The following FDFT1 variants were observed in gnomAD, a reference collection of about 807,000 sequenced individuals.
The protein encoded by FDFT1 is farnesyl-diphosphate farnesyltransferase 1.
FDFT1 carries 68 observed loss-of-function variants against 46.8 expected under a neutral mutation model. That is an observed-to-expected ratio of 1.45 (90% confidence interval 1.19 to 1.78). The LOEUF (loss-of-function observed/expected upper bound fraction) is 1.78. FDFT1 is among the 40% of genes most tolerant of loss of function. FDFT1 has a pLI of 0.00. For missense variants in FDFT1, 928 were observed against 524.4 expected (o/e 1.77, Z -7.52); for synonymous variants, 351 against 185.1 (o/e 1.90, Z -7.28).
In FDFT1 at chr8:11,809,782, T is replaced by A; in HGVS notation, c.313T>A (p.Tyr105Asn). The stretch of plus-strand genomic sequence containing the variant: ...GTTACACAACTTTCACTCTTTCCTT[T>A]ACCAACCAGACTGGCGGTTCATGGA... ...PLLHNFHSFL[Y>N]QPDWRFMESK... The change falls in exon 3 of 8, where the codon TAC becomes AAC. Residue 105 changes from tyrosine (Y) to asparagine (N), a missense_variant. By Grantham distance (143) the Tyr-to-Asn change is moderately radical. Coordinates refer to ENST00000220584, the MANE Select transcript of FDFT1 (RefSeq NM_004462.5). 1 of 1,614,196 alleles carries A rather than the reference T, an allele frequency of 6.2e-7. No individual in the cohort carries two copies. Among genetic ancestry groups the A allele is most frequent in the African/African-American group, 1.3e-5 (1 of 75,054 alleles).
intron 1 of FDFT1, chr8:11,803,770 T>G (rs1295098007): frequency 1.6e-5 from 3 of 182,352 alleles, no homozygotes. Flanking sequence ...TCGGAGTCTT[T>G]CTTTCAGTGT....
chr8:11,836,866 G>T (rs1012230438), intron 7 of FDFT1, among the ~76,000 whole-genome samples: 1 of 152,216 alleles, frequency 6.6e-6, no homozygotes, highest in African/African-American at 2.4e-5. Context: ...GTAAAACCTT[G>T]TCTCTATTAA....
intron 7 of FDFT1, among the ~76,000 whole-genome samples, chr8:11,837,784 C>T (rs1229011370): frequency 6.6e-6 from 1 of 152,124 alleles, no homozygotes; most frequent in African/African-American, 2.4e-5. Context: ...GATAGCTCAT[C>T]TGAGAGGCAC....
chr8:11,816,028 T>C (rs1585913470), intron 3 of FDFT1, among the ~76,000 whole-genome samples: 1 of 152,340 alleles, frequency 6.6e-6, no homozygotes, highest in African/African-American at 2.4e-5. Context: ...TCAGTCCATC[T>C]TGAGTTAATT....
chr8:11,838,343 T>C (rs1191191800), intron 7 of FDFT1, 45 bp from the exon 8 acceptor site: 4 of 1,473,276 alleles, frequency 2.7e-6, no homozygotes, highest in Non-Finnish European at 3.8e-6. Flanking sequence ...CCATGGAAAA[T>C]GTAAAGCACA....
At chr8:11,809,984 C>A in intron 3 of FDFT1, 134 bp downstream of exon 3, 1 of 657,888 alleles carries the variant, frequency 1.5e-6, no homozygotes, top group Non-Finnish European at 2.5e-6. Flanking sequence ...GGGTTAAAAA[C>A]TCCGGTAGCC....
chr8:11,800,674 A>C (rs1806024704), upstream of FDFT1, among the ~76,000 whole-genome samples: 1 of 152,232 alleles, frequency 6.6e-6, no homozygotes, highest in South Asian at 2.1e-4. Context: ...AAATTGTGAG[A>C]GCTAAGAACA....
rs750876203 is a variant in FDFT1 at position 11,826,097 on chromosome 8, C to T, written c.584C>T (p.Pro195Leu). The T allele has an allele frequency of 1.9e-6, 3 of 1,610,706 alleles. No individual in the cohort carries two copies. ...RLFSASEFED[P>L]LVGEDTERAN... is the part of the protein sequence containing the mutation. Reference sequence around the variant, plus strand: ...TTCTCAGCCTCAGAGTTTGAAGACCCCTTAGTTGGTGAAGATACAGAACGT... The same window carrying T: ...TTCTCAGCCTCAGAGTTTGAAGACCTCTTAGTTGGTGAAGATACAGAACGT... Residue 195 changes from proline to leucine, a missense_variant, in exon 5 of 8, where the codon CCC becomes CTC. Physicochemically the swap from Pro to Leu is moderately conservative, Grantham distance 98. Transcript: ENST00000220584.
At chr8:11,812,090 C>A (rs1585894394) in intron 3 of FDFT1, among the ~76,000 whole-genome samples, 1 of 152,206 alleles carries the variant, frequency 6.6e-6, no homozygotes, top group African/African-American at 2.4e-5. Flanking sequence ...TGCTCTTAGA[C>A]TGGGGCAAGT....
upstream of FDFT1, chr8:11,801,936 G>T: frequency 8.8e-6 from 4 of 454,964 alleles, no homozygotes; most frequent in Non-Finnish European, 1.3e-5. Context: ...TGATCCACCC[G>T]CCTTGGCCTC....
chr8:11,821,979 C>G, intron 4 of FDFT1, 101 bp downstream of exon 4: 2 of 1,398,262 alleles, frequency 1.4e-6, no homozygotes, highest in East Asian at 2.4e-5. Context: ...TATTTTCAGC[C>G]CCTCTGGTTT....
intron 1 of FDFT1, chr8:11,808,326 G>T (rs1304782840): frequency 8.1e-7 from 1 of 1,233,710 alleles, no homozygotes. Flanking sequence ...TGGTGAGAAG[G>T]GCAACAGCGG....
intron 3 of FDFT1, among the ~76,000 whole-genome samples, chr8:11,816,437 G>A (rs1010525527): frequency 1.3e-5 from 2 of 152,164 alleles, no homozygotes; most frequent in Admixed American, 1.3e-4. Flanking sequence ...GGATAGCATT[G>A]AATCTGTAAA....
At chr8:11,822,571 T>C (rs1428014996) in intron 4 of FDFT1, among the ~76,000 whole-genome samples, 3 of 152,198 alleles carry the variant, frequency 2.0e-5, no homozygotes, top group African/African-American at 4.8e-5. Flanking sequence ...CTCAGCACTT[T>C]GGGAGGCTGA....
chr8:11,808,925 G>A, intron 2 of FDFT1, 34 bp downstream of exon 2: 1 of 1,603,828 alleles, frequency 6.2e-7, no homozygotes. Context: ...TGGCTTGGAG[G>A]AAAGCTTGTC....
At chr8:11,835,586 T>G (rs1391547159) in intron 7 of FDFT1, among the ~76,000 whole-genome samples, 1 of 152,204 alleles carries the variant, frequency 6.6e-6, no homozygotes, top group African/African-American at 2.4e-5. Flanking sequence ...TTGTGTATAT[T>G]CACTTGGGTG....
chr8:11,821,371 T>TC (rs1809213939), intron 3 of FDFT1, among the ~76,000 whole-genome samples: 1 of 152,202 alleles, frequency 6.6e-6, no homozygotes, highest in Non-Finnish European at 1.5e-5. Flanking sequence ...GGCTAGTGGA[T>TC]CATGAGGTCA....
chr8:11,831,657 A>G lies in FDFT1; in HGVS notation c.1019A>G (p.Gln340Arg). 1 of 1,612,952 alleles carries G rather than the reference A, an allele frequency of 6.2e-7. No homozygotes were observed. The highest frequency in any genetic ancestry group is 8.5e-7 in the Non-Finnish European group (1 of 1,178,976). Residue 340 changes from glutamine to arginine, a missense_variant, in exon 7 of 8, where the codon CAG becomes CGG. Coordinates refer to ENST00000220584, the MANE Select transcript of FDFT1 (RefSeq NM_004462.5). ...NMPAVKAIIY[Q>R]YMEEIYHRIP... is the part of the protein sequence containing the mutation. ...CCAGCTGTCAAAGCCATCATATATCAGTATATGGAAGAGGTGGGTTTTTAT... is the reference window on the plus strand; with the variant it reads ...CCAGCTGTCAAAGCCATCATATATCGGTATATGGAAGAGGTGGGTTTTTAT...
At chr8:11,797,052 G>A (rs977238099) in intron 1 of FDFT1, among the ~76,000 whole-genome samples, 1 of 152,244 alleles carries the variant, frequency 6.6e-6, no homozygotes, top group Non-Finnish European at 1.5e-5. Flanking sequence ...TAACTTCTGG[G>A]TTGTTGGGTC....
Sources: allele counts gnomAD v4.1 joint callset (sites outside exome capture counted in the v4.1 genomes callset), GRCh38; gene constraint gnomAD v4.1.1; transcripts MANE v1.5; gene names NCBI Gene and HGNC (gene_info 2026-07-23, HGNC 2026-07-21).